Variants in CIT observed in about 807,000 individuals in gnomAD.
The protein encoded by CIT is citron rho-interacting serine/threonine kinase, also known as citron Rho-interacting kinase.
Under a neutral mutation model 272.7 loss-of-function variants are expected in CIT, and 79 were observed. The ratio of observed to expected loss-of-function variants is 0.29; its 90% CI spans 0.24 to 0.35. The LOEUF is 0.35. Among genes scored for constraint, CIT ranks in the 10% least tolerant of loss-of-function variants. CIT has a pLI of 1.00. For synonymous variants in CIT, 948 were observed against 995.6 expected, an observed-to-expected ratio of 0.95 and a Z score of 0.90; for missense variants, 1,909 against 2,618.3, an observed-to-expected ratio of 0.73 and a Z score of 5.91.
intron 28 of CIT, among the ~76,000 whole-genome samples, chr12:119,727,787 G>A (rs1489089618): frequency 2.6e-5 from 4 of 151,964 alleles, no homozygotes; most frequent in Non-Finnish European, 5.9e-5. Flanking sequence ...AAAATTAGTC[G>A]AGCATGGAGG....
rs1958691674 is a variant in CIT, at chr12:119,735,304, T to G, written c.3012A>C (p.Glu1004Asp). 2 of 1,614,076 alleles carry G rather than the reference T, an allele frequency of 1.2e-6. No homozygotes were observed. The highest frequency in any genetic ancestry group is 3.3e-5 in the Admixed American group (2 of 59,998). ...QLNQLTEDNA[E>D]LNNQNFYLSK... The stretch of plus-strand genomic sequence containing the variant: ...ACAAGTAGAAGTTTTGGTTGTTGAG[T>G]TCAGCGTTGTCCTCGGTCAGCTGGT... Residue 1004 changes from glutamate (E) to aspartate (D), a missense_variant, in exon 25 of 48, where the codon GAA (glutamate) becomes GAC (aspartate). By Grantham distance (45) the Glu-to-Asp change is conservative. Coordinates refer to ENST00000392521, the MANE Select transcript of CIT (RefSeq NM_001206999.2).
intron 10 of CIT, among the ~76,000 whole-genome samples, chr12:119,801,050 C>T (rs1255000686): frequency 6.6e-6 from 1 of 152,272 alleles, no homozygotes; most frequent in South Asian, 2.1e-4. Context: ...TTTGAAAAAA[C>T]GTTAAAGTTC....
intron 3 of CIT, among the ~76,000 whole-genome samples, chr12:119,858,874 A>G (rs1448997731): frequency 1.3e-5 from 2 of 152,078 alleles, no homozygotes; most frequent in African/African-American, 4.8e-5. Context: ...AGAGAACTAA[A>G]TGGGGTTCTG....
At chr12:119,826,003 G>A (rs1486588961) in intron 7 of CIT, among the ~76,000 whole-genome samples, 1 of 152,200 alleles carries the variant, frequency 6.6e-6, no homozygotes, top group Non-Finnish European at 1.5e-5. Context: ...GGGAGGCGGA[G>A]GTTGCAGTGA....
At chr12:119,830,085 T>A (rs1158390950) in intron 7 of CIT, among the ~76,000 whole-genome samples, 1 of 150,368 alleles carries the variant, frequency 6.7e-6, no homozygotes, top group East Asian at 1.9e-4. Context: ...CCCCCAAAAA[T>A]TATAATTTTA....
chr12:119,690,708 G>A lies in CIT; in HGVS notation c.5883-254C>T, dbSNP rs1459638203. Among the ~76,000 whole-genome samples the A allele has an allele frequency of 6.6e-6, 1 of 152,210 alleles. No individual in the cohort carries two copies. Among genetic ancestry groups the A allele is most frequent in the East Asian group, 1.9e-4 (1 of 5,194 alleles). On this transcript the variant is annotated intron_variant, in intron 46 of 47. Transcript: ENST00000392521. This position sits in a 1 kb window ranked among gnomAD's most constrained non-coding sequence, Gnocchi z 6.0. ...TTACTGAGCACCTACTGTGTGCCAG[G>A]CCTGTGCTAAGTTCTTCATCTGCCA...
At chr12:119,717,465 G>A (rs542689542) in intron 32 of CIT, among the ~76,000 whole-genome samples, 19 of 127,350 alleles carry the variant, frequency 1.5e-4, no homozygotes, top group Non-Finnish European at 1.4e-4. Flanking sequence ...TTATCACCCA[G>A]GCTGGAGTGC....
chr12:119,820,550 A>AAAAT (rs1223489962), intron 9 of CIT, among the ~76,000 whole-genome samples: 1 of 152,134 alleles, frequency 6.6e-6, no homozygotes, highest in African/African-American at 2.4e-5. Context: ...TGTGTCTCAA[A>AAAAT]AAATAAATAA....
At chr12:119,816,494 T>A (rs140152917) in intron 9 of CIT, among the ~76,000 whole-genome samples, 13 of 152,250 alleles carry the variant, frequency 8.5e-5, no homozygotes, top group Non-Finnish European at 1.6e-4. Context: ...ACTCTGAGGC[T>A]AGCATCCAAT....
At chr12:119,715,483 C>T (rs773264388) in intron 32 of CIT, among the ~76,000 whole-genome samples, 3 of 151,256 alleles carry the variant, frequency 2.0e-5, no homozygotes, top group Admixed American at 1.3e-4. Flanking sequence ...GAGAGCAGAT[C>T]GACAGAGACA....
chr12:119,742,977 G>A (rs1959134250), intron 23 of CIT: 3 of 152,224 alleles, frequency 2.0e-5, no homozygotes, highest in African/African-American at 7.2e-5. Flanking sequence ...AAAAGCTGCG[G>A]ACATTCAGAA....
At chr12:119,750,922 G>A (rs1960179833) in intron 23 of CIT, among the ~76,000 whole-genome samples, 1 of 151,954 alleles carries the variant, frequency 6.6e-6, no homozygotes, top group African/African-American at 2.4e-5. Flanking sequence ...GACGGAAATG[G>A]GGACAGCATC....
intron 8 of CIT, among the ~76,000 whole-genome samples, chr12:119,823,700 C>CT (rs1360093016): frequency 2.0e-5 from 3 of 152,044 alleles, no homozygotes; most frequent in Non-Finnish European, 4.4e-5. Flanking sequence ...GTTCCTTTTC[C>CT]TTTTGGTTGA....
chr12:119,711,146 CCAA>C (rs1479614853), intron 37 of CIT: 3 of 1,342,682 alleles, frequency 2.2e-6, no homozygotes, highest in Non-Finnish European at 3.0e-6. Flanking sequence ...TGTGAAACGA[CCAA>C]CAAGTCATCC....
intron 44 of CIT, chr12:119,699,667 C>G: frequency 2.6e-6 from 1 of 390,554 alleles, no homozygotes; most frequent in South Asian, 1.9e-5. Context: ...TTATGGCCAG[C>G]ACTCATTGCG....
intron 3 of CIT, among the ~76,000 whole-genome samples, chr12:119,862,123 C>G (rs1268525015): frequency 6.6e-6 from 1 of 152,110 alleles, no homozygotes; most frequent in African/African-American, 2.4e-5. Context: ...GACTTGGTCT[C>G]CCGAGTAGCT....
chr12:119,795,974 A>G (rs1433638909), intron 10 of CIT, among the ~76,000 whole-genome samples: 2 of 152,266 alleles, frequency 1.3e-5, no homozygotes, highest in Non-Finnish European at 2.9e-5. Context: ...GTCTAATTCA[A>G]TTCAACAAAT....
chr12:119,760,626 CAAA>C (rs55758251), intron 20 of CIT, among the ~76,000 whole-genome samples: 1 of 119,244 alleles, frequency 8.4e-6, no homozygotes. Flanking sequence ...AACCCCACCT[CAAA>C]AAAAAAAAAA....
chr12:119,773,472 GC>G (rs761285554), intron 16 of CIT, among the ~76,000 whole-genome samples: 51 of 151,774 alleles, frequency 3.4e-4, no homozygotes, highest in Non-Finnish European at 6.9e-4. Context: ...TGCTCTTCTT[GC>G]CCAGGCTGGA....
Sources: allele counts gnomAD v4.1 joint callset (sites outside exome capture counted in the v4.1 genomes callset), GRCh38; gene constraint gnomAD v4.1.1; non-coding constraint Gnocchi (gnomAD v3.1); transcripts MANE v1.5; gene names NCBI Gene and HGNC (gene_info 2026-07-23, HGNC 2026-07-21).